Variants in SOS2 observed in about 807,000 individuals in gnomAD.
SOS2 encodes the protein SOS Ras/Rho guanine nucleotide exchange factor 2, also known as son of sevenless homolog 2.
In SOS2, 65 loss-of-function variants were observed where a neutral mutation model predicts 148.2. That is an observed-to-expected ratio of 0.44 (90% confidence interval 0.36 to 0.54). The LOEUF (loss-of-function observed/expected upper bound fraction) is 0.54. SOS2 is among the 20% of genes least tolerant of loss of function. The probability of loss-of-function intolerance (pLI) is 0.00; values close to 1 mark genes in which losing one functional copy is unlikely to be tolerated. For missense variants in SOS2, 1,341 were observed against 1,590.2 expected (o/e 0.84, Z 2.67); for synonymous variants, 539 against 537.1 (o/e 1.00, Z -0.05).
intron 12 of SOS2, among the ~76,000 whole-genome samples, chr14:50,154,058 TGGAAA>T (rs1221822362): frequency 6.8e-6 from 1 of 146,392 alleles, no homozygotes. Flanking sequence ...ACTATGCAAA[TGGAAA>T]GGAAAGGAAA....
intron 18 of SOS2, among the ~76,000 whole-genome samples, chr14:50,137,137 T>C (rs537651413): frequency 6.6e-6 from 1 of 152,302 alleles, no homozygotes; most frequent in African/African-American, 2.4e-5. Context: ...TCAAGTATAA[T>C]ATAATAACAT....
chr14:50,188,096 A>G (rs1051715027), intron 5 of SOS2, among the ~76,000 whole-genome samples: 4 of 152,182 alleles, frequency 2.6e-5, no homozygotes, highest in African/African-American at 9.7e-5. Flanking sequence ...ATGTACTCAT[A>G]AAGTATTTAA....
rs368749459 is a variant in SOS2 at position 50,140,072 on chromosome 14, A to G, written c.2668-13T>C. The stretch of plus-strand genomic sequence containing the variant: ...TTTCCTGCAGTGCCTTAAAGTATAC[A>G]TAAATTGAGTATAAATTTTTTACAA... On this transcript the variant is annotated splice_polypyrimidine_tract_variant and intron_variant, in intron 16 of 22. Transcript: ENST00000216373. 2.1e-4 allele frequency: 251 copies of G among 1,168,828 alleles called. No individual in the cohort carries two copies. Among genetic ancestry groups the G allele is most frequent in the Admixed American group, 1.4e-3 (73 of 50,424 alleles). The allele number at this position is 1,168,828 out of a possible 1,614,324, so 72.4% of individuals were successfully genotyped here.
intron 18 of SOS2, among the ~76,000 whole-genome samples, chr14:50,135,089 A>AAG (rs1555368584): frequency 5.3e-5 from 7 of 131,576 alleles, no homozygotes; most frequent in Admixed American, 2.3e-4. Flanking sequence ...AAAAAAAAAA[A>AAG]AAAGAAAGAA....
At chr14:50,148,490 ATGAAG>A (rs1444702304) in intron 14 of SOS2, among the ~76,000 whole-genome samples, 1 of 152,140 alleles carries the variant, frequency 6.6e-6, no homozygotes, top group African/African-American at 2.4e-5. Flanking sequence ...GTAGGTCCAC[ATGAAG>A]TGAAGTGCTT....
chr14:50,229,009 C>T (rs1250946830), intron 1 of SOS2, among the ~76,000 whole-genome samples: 2 of 152,120 alleles, frequency 1.3e-5, no homozygotes, highest in Admixed American at 6.5e-5. Flanking sequence ...GTTCTAGATG[C>T]TCTGAATGTG....
At chr14:50,133,971 T>A (rs74049157) in intron 19 of SOS2, 152 bp downstream of exon 19, 15 of 625,800 alleles carry the variant, frequency 2.4e-5, no homozygotes, top group Non-Finnish European at 3.4e-5. Context: ...AGGCTGACAT[T>A]TCCCCCCCCA....
chr14:50,158,490 G>C, intron 11 of SOS2, 75 bp downstream of exon 11: 1 of 783,626 alleles, frequency 1.3e-6, no homozygotes, highest in Non-Finnish European at 2.1e-6. Flanking sequence ...GTATTTATTA[G>C]GTACTAGGCA....
chr14:50,213,577 G>A (rs1288330171), intron 1 of SOS2, among the ~76,000 whole-genome samples: 1 of 151,958 alleles, frequency 6.6e-6, no homozygotes, highest in African/African-American at 2.4e-5. Flanking sequence ...GTGCGTGCCT[G>A]TAATCTCAGC....
At chr14:50,208,912 C>T (rs886876269) in intron 1 of SOS2, among the ~76,000 whole-genome samples, 1 of 152,164 alleles carries the variant, frequency 6.6e-6, no homozygotes, top group East Asian at 1.9e-4. Context: ...ACTGGTTACA[C>T]ACTATTTCTG....
intron 8 of SOS2, among the ~76,000 whole-genome samples, chr14:50,164,429 G>C (rs1346809682): frequency 6.6e-6 from 1 of 151,748 alleles, no homozygotes; most frequent in Non-Finnish European, 1.5e-5. Flanking sequence ...GACAGAGTGA[G>C]ACTCTGTCCC....
rs544158941 is a variant in SOS2, at chr14:50,165,024, C to T, written c.1069-3415G>A. Among the ~76,000 whole-genome samples, 5 of 151,552 alleles carry T rather than the reference C, an allele frequency of 3.3e-5. No individual in the cohort carries two copies. In the South Asian group the frequency reaches 6.2e-4, roughly 19 times the overall value. On this transcript the variant is annotated intron_variant, in intron 8 of 22. Transcript: ENST00000216373. ...GTTCCTTCCAGAGGAAGGGGGACTA[C>T]GGCTGAATGGTTTTGCAGTAGTTTT...
chr14:50,190,219 A>G (rs995548855), intron 4 of SOS2, among the ~76,000 whole-genome samples: 2 of 152,140 alleles, frequency 1.3e-5, no homozygotes, highest in African/African-American at 4.8e-5. Flanking sequence ...AGTTAATTAT[A>G]TATTTAAGAC....
At chr14:50,174,624 A>G (rs1374100450) in intron 7 of SOS2, 72 bp from the exon 8 acceptor site, 2 of 789,976 alleles carry the variant, frequency 2.5e-6, no homozygotes, top group Non-Finnish European at 4.1e-6. Flanking sequence ...TGCCTAACAG[A>G]AACGTCTACT....
chr14:50,172,042 A>G (rs974158538), intron 8 of SOS2, among the ~76,000 whole-genome samples: 1 of 152,198 alleles, frequency 6.6e-6, no homozygotes. Context: ...GGTAATGCCA[A>G]GCAGTTTTCC....
At chr14:50,176,724 CTG>C (rs1885534357) in intron 7 of SOS2, among the ~76,000 whole-genome samples, 1 of 152,172 alleles carries the variant, frequency 6.6e-6, no homozygotes, top group Admixed American at 6.5e-5. Context: ...CAACCATTAA[CTG>C]GGGCTGGGCG....
chr14:50,186,818 GA>G (rs1298746187), intron 5 of SOS2, among the ~76,000 whole-genome samples: 1 of 151,934 alleles, frequency 6.6e-6, no homozygotes, highest in Non-Finnish European at 1.5e-5. Flanking sequence ...ATATCCAAAA[GA>G]AAAAAAGTAA....
intron 22 of SOS2, among the ~76,000 whole-genome samples, chr14:50,120,014 T>C (rs1267978700): frequency 1.3e-5 from 2 of 152,110 alleles, no homozygotes; most frequent in Non-Finnish European, 2.9e-5. Flanking sequence ...GGTTTCATCA[T>C]GTTGACCAGG....
Position 50,199,700 on chromosome 14 carries a change from A to G in SOS2, c.501T>C (p.Cys167=). 1 of 1,597,798 alleles carries G rather than the reference A, an allele frequency of 6.3e-7. No homozygotes were observed. The highest frequency in any genetic ancestry group is 1.1e-5 in the South Asian group (1 of 88,734). ...ISQQDIKVSM[C]ADKVLMDMFD... ...ACCTTGTAACACTTACCTTATCCGC[A>G]CACATTGACACTTTAATGTCCTGCT... Residue 167 remains cysteine (C), a synonymous_variant, in exon 4 of 23, where the codon TGT becomes TGC. Transcript: ENST00000216373.
Sources: allele counts gnomAD v4.1 joint callset (sites outside exome capture counted in the v4.1 genomes callset), GRCh38; gene constraint gnomAD v4.1.1; transcripts MANE v1.5; gene names NCBI Gene and HGNC (gene_info 2026-07-23, HGNC 2026-07-21).